SEMA3E: variants seen among roughly 807,000 people sequenced by gnomAD.
The protein encoded by SEMA3E is semaphorin-3E.
In SEMA3E, 49 loss-of-function variants were observed where a neutral mutation model predicts 93.6. The ratio of observed to expected loss-of-function variants is 0.52; its 90% confidence interval spans 0.42 to 0.66. The LOEUF (loss-of-function observed/expected upper bound fraction) is 0.66. Ranked by LOEUF, SEMA3E falls within the 30% of genes least tolerant of loss-of-function variation. The pLI, the probability that SEMA3E is intolerant of heterozygous loss-of-function variation, is 0.00. For missense variants in SEMA3E, 906 were observed against 964.8 expected (o/e 0.94, Z 0.81); for synonymous variants, 363 against 330.7 (o/e 1.10, Z -1.06).
chr7:83,429,009 A>T (rs1241783381), intron 4 of SEMA3E, among the ~76,000 whole-genome samples: 1 of 152,120 alleles, frequency 6.6e-6, no homozygotes, highest in Non-Finnish European at 1.5e-5. Flanking sequence ...GGAGAGGAGT[A>T]TATGTGTTTG....
At position 83,407,108 on chromosome 7, in the gene SEMA3E, G is replaced by T. The variant is rs769859383; in HGVS notation, c.802C>A (p.Arg268=). The T allele has an allele frequency of 6.8e-6, 11 of 1,613,260 alleles. No individual in the cohort carries two copies. Among genetic ancestry groups the T allele is most frequent in the African/African-American group, 1.3e-5 (1 of 74,870 alleles). ...AGAGAAAGCCTCACCACACAGAGTC[G>T]CCCGACCCTGGTGTAAATTGCGTGA... ...NAHAIYTRVG[R]LCVNDVGGQR... The change falls in exon 7 of 17, where the codon CGA becomes AGA. Residue 268 remains arginine (R), a synonymous_variant. Transcript: ENST00000643230.
At chr7:83,516,580 A>C (rs748632396) in intron 1 of SEMA3E, among the ~76,000 whole-genome samples, 19 of 152,172 alleles carry the variant, frequency 1.2e-4, no homozygotes, top group Non-Finnish European at 2.6e-4. Context: ...TATTTGGTTA[A>C]GTAACTGAAG....
chr7:83,612,612 G>C (rs929869562), intron 1 of SEMA3E: 2 of 152,102 alleles, frequency 1.3e-5, no homozygotes, highest in Admixed American at 1.3e-4. Flanking sequence ...AATGCTAAGA[G>C]GAGATTTTGA....
At chr7:83,618,191 G>C (rs972942869) in intron 1 of SEMA3E, among the ~76,000 whole-genome samples, 2 of 152,016 alleles carry the variant, frequency 1.3e-5, no homozygotes, top group African/African-American at 4.8e-5. Context: ...ATGATTCAGA[G>C]TTTTAACAAT....
In SEMA3E at chr7:83,466,657, T is replaced by C; in HGVS notation, c.337-56A>G. Reference sequence around the variant, plus strand: ...TCAGTATAATAAACATGTTTCGTCCTTTTTGATTTTTGTTTTTCCTAGCCC... The same window carrying C: ...TCAGTATAATAAACATGTTTCGTCCCTTTTGATTTTTGTTTTTCCTAGCCC... On this transcript the variant is annotated intron_variant, in intron 3 of 16. Coordinates refer to ENST00000643230, the MANE Select transcript of SEMA3E (RefSeq NM_012431.3). The C allele has an allele frequency of 2.5e-6, 4 of 1,598,714 alleles. No homozygotes were observed. The East Asian group carries it at 8.9e-5, about 36-fold the overall frequency.
intron 1 of SEMA3E, among the ~76,000 whole-genome samples, chr7:83,554,407 G>A (rs2371784): frequency 0.12 from 18,038 of 152,098 alleles, 1,182 homozygotes; most frequent in East Asian, 0.2. Context: ...TATTCCTCCA[G>A]GCCTTTGGGT....
intron 4 of SEMA3E, among the ~76,000 whole-genome samples, chr7:83,440,122 A>C: frequency 6.6e-6 from 1 of 152,214 alleles, no homozygotes; most frequent in East Asian, 1.9e-4. Flanking sequence ...ACAAATATTT[A>C]ATAGAAGTAT....
At chr7:83,611,343 A>G (rs951663366) in intron 1 of SEMA3E, among the ~76,000 whole-genome samples, 3 of 144,582 alleles carry the variant, frequency 2.1e-5, no homozygotes, top group South Asian at 2.1e-4. Context: ...TATATATTAT[A>G]TATAATATAT....
intron 1 of SEMA3E, among the ~76,000 whole-genome samples, chr7:83,551,020 C>A (rs1791753910): frequency 6.6e-6 from 1 of 151,954 alleles, no homozygotes; most frequent in African/African-American, 2.4e-5. Flanking sequence ...AATTAAAAAT[C>A]AAAGTACTAA....
intron 4 of SEMA3E, 146 bp downstream of exon 4, chr7:83,466,336 A>G: frequency 2.1e-6 from 2 of 942,964 alleles, no homozygotes; most frequent in East Asian, 5.2e-5. Flanking sequence ...AAGGCCCAGA[A>G]AGATAATTTC....
chr7:83,372,392 A>G (rs143014213), intron 16 of SEMA3E: 27 of 396,756 alleles, frequency 6.8e-5, no homozygotes, highest in African/African-American at 4.3e-4. Context: ...TATTAAAGTG[A>G]TCTAGCCTAG....
At chr7:83,578,069 A>G (rs982933119) in intron 1 of SEMA3E, among the ~76,000 whole-genome samples, 5 of 152,018 alleles carry the variant, frequency 3.3e-5, no homozygotes, top group African/African-American at 4.8e-5. Context: ...AAAAAATATT[A>G]CCTTAGAATT....
At chr7:83,405,037 G>A (rs957811592) in intron 9 of SEMA3E, among the ~76,000 whole-genome samples, 3 of 152,034 alleles carry the variant, frequency 2.0e-5, no homozygotes, top group Non-Finnish European at 2.9e-5. Context: ...GTGAGTAACA[G>A]TTGAGATAGA....
chr7:83,462,434 TTAAC>T (rs1297262224), intron 4 of SEMA3E, among the ~76,000 whole-genome samples: 3 of 152,060 alleles, frequency 2.0e-5, no homozygotes, highest in Non-Finnish European at 2.9e-5. Context: ...CTGAGACACT[TTAAC>T]TAAATTATCT....
intron 4 of SEMA3E, among the ~76,000 whole-genome samples, chr7:83,418,811 G>A (rs1788614367): frequency 6.6e-6 from 1 of 152,138 alleles, no homozygotes; most frequent in Non-Finnish European, 1.5e-5. Context: ...CTGGAAAAAG[G>A]TTAATGAAAA....
intron 1 of SEMA3E, among the ~76,000 whole-genome samples, chr7:83,607,353 A>G (rs2115567235): frequency 6.6e-6 from 1 of 152,030 alleles, no homozygotes; most frequent in South Asian, 2.1e-4. Context: ...TTCTCCACTC[A>G]CTCACTGAGC....
chr7:83,588,765 T>C (rs1792686976), intron 1 of SEMA3E, among the ~76,000 whole-genome samples: 1 of 152,154 alleles, frequency 6.6e-6, no homozygotes, highest in Non-Finnish European at 1.5e-5. Flanking sequence ...GAAAAGTAAA[T>C]GAGTCATAAC....
intron 16 of SEMA3E, among the ~76,000 whole-genome samples, chr7:83,376,444 C>T (rs1488821297): frequency 6.6e-6 from 1 of 152,012 alleles, no homozygotes. Context: ...AAGCTGTCTC[C>T]ATAACGCATT....
At chr7:83,520,993 TC>T (rs1382506979) in intron 1 of SEMA3E, among the ~76,000 whole-genome samples, 2 of 152,156 alleles carry the variant, frequency 1.3e-5, no homozygotes, top group Non-Finnish European at 2.9e-5. Context: ...CATGGCTAAC[TC>T]CCTTTTCTGC....
Sources: allele counts gnomAD v4.1 joint callset (sites outside exome capture counted in the v4.1 genomes callset), GRCh38; gene constraint gnomAD v4.1.1; transcripts MANE v1.5; gene names NCBI Gene and HGNC (gene_info 2026-07-23, HGNC 2026-07-21).